ABCA12: variants seen among roughly 807,000 people sequenced by gnomAD.
ABCA12 encodes the protein glucosylceramide transporter ABCA12.
ABCA12 carries 156 observed loss-of-function variants against 293.5 expected under a neutral mutation model. That is an observed-to-expected ratio of 0.53 (90% CI 0.47 to 0.61). The LOEUF is 0.61. Ranked by LOEUF, ABCA12 falls within the 20% of genes least tolerant of loss-of-function variation. The probability of loss-of-function intolerance (pLI) is 0.00; values close to 1 mark genes in which losing one functional copy is unlikely to be tolerated. For synonymous variants in ABCA12, 1,063 were observed against 1,108.0 expected, an observed-to-expected ratio of 0.96 and a Z score of 0.81; for missense variants, 2,797 against 3,090.2, an observed-to-expected ratio of 0.91 and a Z score of 2.25.
intron 2 of ABCA12, among the ~76,000 whole-genome samples, chr2:215,065,816 G>A (rs1575021005): frequency 6.6e-6 from 1 of 152,136 alleles, no homozygotes; most frequent in East Asian, 1.9e-4. Context: ...TCAGTTTGGG[G>A]TAATTTATCA....
At chr2:214,962,440 C>T (rs1036008486) in intron 39 of ABCA12, 5 of 152,130 alleles carry the variant, frequency 3.3e-5, no homozygotes, top group African/African-American at 1.2e-4. Flanking sequence ...TAAAGCATGT[C>T]ATATGGGCAG....
At chr2:214,990,576 C>T (rs1699889566) in intron 24 of ABCA12, 126 bp downstream of exon 24, 1 of 951,704 alleles carries the variant, frequency 1.1e-6, no homozygotes, top group African/African-American at 1.6e-5. Context: ...GGACATTAAG[C>T]TTACTTTGCT....
rs951845382 is a variant in ABCA12, at chr2:214,990,542, G to A, written c.3624+160C>T. Reference sequence around the variant, plus strand: ...TCTTCATTGTCTTGTATGGTATACAGTGATGTAAGAAAAGCTATCATTAGG... The same window carrying A: ...TCTTCATTGTCTTGTATGGTATACAATGATGTAAGAAAAGCTATCATTAGG... On this transcript the variant is annotated intron_variant, in intron 24 of 52. Coordinates refer to ENST00000272895, the MANE Select transcript of ABCA12 (RefSeq NM_173076.3). Among the ~76,000 whole-genome samples the A allele has an allele frequency of 2.0e-5, 3 of 152,302 alleles. No individual in the cohort carries two copies. The East Asian group carries it at 5.8e-4, about 29-fold the overall frequency.
At chr2:214,950,654 G>A (rs896443277) in intron 45 of ABCA12, among the ~76,000 whole-genome samples, 5 of 151,504 alleles carry the variant, frequency 3.3e-5, no homozygotes, top group African/African-American at 4.9e-5. Context: ...ACAGACGTGC[G>A]CCCCCATGCC....
At chr2:215,124,523 G>T (rs111563550) in intron 1 of ABCA12, among the ~76,000 whole-genome samples, 12,443 of 152,102 alleles carry the variant, frequency 0.082, 1,156 homozygotes, top group African/African-American at 0.23. Flanking sequence ...GTATCACATT[G>T]TGGTTGTGAT....
intron 2 of ABCA12, among the ~76,000 whole-genome samples, chr2:215,109,000 G>A (rs1330297433): frequency 2.0e-5 from 3 of 151,894 alleles, no homozygotes; most frequent in Admixed American, 6.6e-5. Flanking sequence ...CCAGGAGGCA[G>A]AGGTGGCAGC....
intron 2 of ABCA12, among the ~76,000 whole-genome samples, chr2:215,094,475 A>G (rs1702210066): frequency 6.6e-6 from 1 of 152,122 alleles, no homozygotes; most frequent in African/African-American, 2.4e-5. Flanking sequence ...ACTCAAGGCA[A>G]ATGGTTCTTA....
intron 42 of ABCA12, 133 bp from the exon 43 acceptor site, chr2:214,955,494 C>T: frequency 3.6e-6 from 3 of 822,222 alleles, no homozygotes; most frequent in Non-Finnish European, 5.9e-6. Flanking sequence ...CCAGCCTGAG[C>T]AACTTGGCAA....
At position 214,935,630 on chromosome 2, in the gene ABCA12, C is replaced by T. The variant is rs1698195879; in HGVS notation, c.7543-1415G>A. 2.0e-5 allele frequency among the ~76,000 whole-genome samples: 3 copies of T among 152,160 alleles called. No individual in the cohort carries two copies. In the South Asian group the frequency reaches 6.2e-4, roughly 32 times the overall value. On this transcript the variant is annotated intron_variant, in intron 51 of 52. Transcript: ENST00000272895. ...TGGGCAACATAGTGAGATTCTGTCT[C>T]TACAAAAAATCCAAAACTTAGCAGG...
intron 7 of ABCA12, among the ~76,000 whole-genome samples, chr2:215,040,888 G>A (rs955377204): frequency 6.6e-6 from 1 of 152,264 alleles, no homozygotes; most frequent in East Asian, 1.9e-4. Flanking sequence ...CAAAAAAAAG[G>A]GGGGGTGTGA....
intron 2 of ABCA12, among the ~76,000 whole-genome samples, chr2:215,078,790 A>G (rs1420735631): frequency 2.0e-5 from 3 of 152,210 alleles, no homozygotes; most frequent in Admixed American, 6.5e-5. Context: ...TAGTCACTCT[A>G]TCTTTATTTT....
chr2:215,022,983 G>C (rs1022414695), intron 11 of ABCA12: 1 of 152,088 alleles, frequency 6.6e-6, no homozygotes, highest in East Asian at 1.9e-4. Context: ...ATGAAGGGAG[G>C]AGAAAACACA....
At chr2:214,946,837 T>C (rs1326132078) in intron 48 of ABCA12, among the ~76,000 whole-genome samples, 1 of 152,196 alleles carries the variant, frequency 6.6e-6, no homozygotes, top group Admixed American at 6.6e-5. Context: ...AATTAAATTT[T>C]CCATCTCTTA....
intron 2 of ABCA12, among the ~76,000 whole-genome samples, chr2:215,074,589 T>C (rs1391617295): frequency 6.6e-6 from 1 of 152,050 alleles, no homozygotes; most frequent in Non-Finnish European, 1.5e-5. Context: ...GATCTGGGTG[T>C]CAAAGAAATA....
intron 35 of ABCA12, among the ~76,000 whole-genome samples, 166 bp downstream of exon 35, chr2:214,974,612 A>G (rs557041935): frequency 6.6e-6 from 1 of 152,358 alleles, no homozygotes; most frequent in South Asian, 2.1e-4. Flanking sequence ...AGCATAGGAT[A>G]ACTAAGAAAT....
intron 2 of ABCA12, among the ~76,000 whole-genome samples, chr2:215,090,047 T>C (rs1410303405): frequency 6.6e-6 from 1 of 152,094 alleles, no homozygotes; most frequent in African/African-American, 2.4e-5. Flanking sequence ...ACTGATGACA[T>C]TACCTTGTGA....
Position 215,111,683 on chromosome 2 carries a change from G to A in ABCA12, c.77C>T (p.Thr26Ile), listed in dbSNP as rs558868560. The change falls in exon 2 of 53, where the codon ACA becomes ATA. Residue 26 changes from threonine to isoleucine, a missense_variant. Coordinates refer to ENST00000272895, the MANE Select transcript of ABCA12 (RefSeq NM_173076.3). ...WLGVKRQPLWTLVLILWPVII... is the reference protein window; with the variant it reads ...WLGVKRQPLWILVLILWPVII... The stretch of plus-strand genomic sequence containing the variant: ...GACTGGCCATAAGATCAAGACAAGT[G>A]TCCAAAGCTGCAAAATAATGGTAGA... The A allele has an allele frequency of 3.7e-6, 6 of 1,612,392 alleles. No individual in the cohort carries two copies. In the East Asian group the frequency reaches 6.7e-5, roughly 18 times the overall value.
At chr2:215,011,821 T>C (rs1700380808) in intron 16 of ABCA12, 150 bp downstream of exon 16, 4 of 1,142,870 alleles carry the variant, frequency 3.5e-6, no homozygotes, top group Non-Finnish European at 5.2e-6. Context: ...CTAATTAAAG[T>C]GGCAAAAAGT....
chr2:215,043,009 A>T (rs1701130444), intron 7 of ABCA12, among the ~76,000 whole-genome samples: 1 of 152,096 alleles, frequency 6.6e-6, no homozygotes, highest in Non-Finnish European at 1.5e-5. Flanking sequence ...CACAATGGCC[A>T]TTCTACTTTA....
Sources: gnomAD v4.1 joint callset for allele counts (sites outside exome capture counted in the v4.1 genomes callset) on GRCh38, gnomAD v4.1.1 for gene constraint, MANE v1.5 for transcripts, NCBI Gene and HGNC (gene_info 2026-07-23, HGNC 2026-07-21) for gene names.